Variants in AP2B1 observed in about 807,000 individuals in gnomAD.
AP2B1 encodes the protein AP-2 complex subunit beta.
Under a neutral mutation model 102.0 loss-of-function variants are expected in AP2B1, and 23 were observed. That is an observed-to-expected ratio of 0.23 (90% CI 0.16 to 0.32). The LOEUF (loss-of-function observed/expected upper bound fraction) is 0.32, where lower values mean the gene tolerates loss of function less well. AP2B1 is among the 10% of genes least tolerant of loss of function. The probability of loss-of-function intolerance (pLI) is 1.00; values close to 1 mark genes in which losing one functional copy is unlikely to be tolerated. For missense variants in AP2B1, 541 were observed against 1,157.4 expected, an observed-to-expected ratio of 0.47 and a Z score of 7.73; for synonymous variants, 381 against 421.2, an observed-to-expected ratio of 0.90 and a Z score of 1.17.
chr17:35,621,695 AT>A (rs1325903277), intron 5 of AP2B1, among the ~76,000 whole-genome samples: 3 of 152,206 alleles, frequency 2.0e-5, no homozygotes, highest in African/African-American at 7.2e-5. Flanking sequence ...CATTAGGTGC[AT>A]TATACACTTG....
Position 35,639,674 on chromosome 17 carries a change from A to G in AP2B1, c.1351A>G (p.Ile451Val). ...AGATGCTCGAGCAGCTATGATTTGG[A>G]TTGTGGGAGAATATGCTGAAAGAAT... Reference protein sequence around the residue: ...EPDARAAMIWIVGEYAERIDN... With the variant: ...EPDARAAMIWVVGEYAERIDN... Residue 451 changes from isoleucine (I) to valine (V), a missense_variant, in exon 11 of 22, where the codon ATT (isoleucine) becomes GTT (valine). Coordinates refer to ENST00000610402, the MANE Select transcript of AP2B1 (RefSeq NM_001030006.2). 3.7e-6 allele frequency: 6 copies of G among 1,614,106 alleles called. No individual in the cohort carries two copies. Among genetic ancestry groups the G allele is most frequent in the Non-Finnish European group, 5.1e-6 (6 of 1,179,994 alleles).
chr17:35,662,454 T>C (rs576556861), intron 14 of AP2B1, among the ~76,000 whole-genome samples: 127 of 152,160 alleles, frequency 8.3e-4, no homozygotes, highest in African/African-American at 3.0e-3. Context: ...AGGTATAGGC[T>C]TGCTTGCAAA....
Position 35,624,577 on chromosome 17 carries a change from G to A in AP2B1, c.706G>A (p.Glu236Lys). The change falls in exon 6 of 22, where the codon GAG becomes AAG. Residue 236 changes from glutamate to lysine, a missense_variant. Around this residue, in one of 10 missense-constraint regions of AP2B1, gnomAD observed 134 missense variants for 250.2 expected, o/e 0.54. Coordinates refer to ENST00000610402, the MANE Select transcript of AP2B1 (RefSeq NM_001030006.2). The part of the protein sequence containing the change: ...LSNYNPKDDR[E>K]AQSICERVTP... ...TAATTACAACCCTAAAGATGATCGG[G>A]AGGCTCAGAGGTCAGTCTGTTTTCC... The A allele has an allele frequency of 6.2e-7, 1 of 1,610,940 alleles. No individual in the cohort carries two copies. Among genetic ancestry groups the A allele is most frequent in the Non-Finnish European group, 8.5e-7 (1 of 1,177,996 alleles).
chr17:35,680,604 C>T (rs1383501071), intron 17 of AP2B1, among the ~76,000 whole-genome samples: 1 of 151,464 alleles, frequency 6.6e-6, no homozygotes, highest in Non-Finnish European at 1.5e-5. Context: ...CTGCTGGGCT[C>T]AAGTGATCCA....
rs147183516 is a variant in AP2B1, at chr17:35,595,414, G to C, written c.37+1347G>C. 8.5e-3 allele frequency among the ~76,000 whole-genome samples: 1,289 copies of C among 152,152 alleles called. 11 individuals are homozygous for C. The highest frequency in any genetic ancestry group is 0.026 in the African/African-American group (1,065 of 41,476). On this transcript the variant is annotated intron_variant, in intron 2 of 21. Coordinates refer to ENST00000610402, the MANE Select transcript of AP2B1 (RefSeq NM_001030006.2). ...ATTTAAAAATTAGCCCTGTACGGTG[G>C]TGCACACCTGTAGTCCCAGCTATTT...
chr17:35,720,578 TTTTTTTTTTTTTTTTTTTTTTTA>T (rs2085354477), intron 21 of AP2B1, among the ~76,000 whole-genome samples: 2 of 66,448 alleles, frequency 3.0e-5, no homozygotes, highest in African/African-American at 1.3e-4. Context: ...TATATATTTT[TTTTTTTTTTTTTTTTTTTTTTTA>T]ATATAGAGAT....
chr17:35,685,816 G>A (rs1450939009), intron 18 of AP2B1, among the ~76,000 whole-genome samples: 2 of 151,906 alleles, frequency 1.3e-5, no homozygotes, highest in Admixed American at 6.6e-5. Context: ...AGGCTCGAGT[G>A]CAATGGTGCA....
chr17:35,659,381 A>G (rs2075307711), intron 14 of AP2B1, among the ~76,000 whole-genome samples: 1 of 152,130 alleles, frequency 6.6e-6, no homozygotes, highest in South Asian at 2.1e-4. Context: ...ACCCTGCTTG[A>G]CCCACTATAA....
Position 35,686,060 on chromosome 17 carries a change from G to T in AP2B1, c.2454+3236G>T, listed in dbSNP as rs587686487. 3.5e-4 allele frequency among the ~76,000 whole-genome samples: 54 copies of T among 152,286 alleles called. 1 individual carries two copies. The highest frequency in any genetic ancestry group is 1.3e-3 in the African/African-American group (52 of 41,574). ...TTACAGGCGTGAGCTGCCATGCCCT[G>T]CCTATTCATTCTTAAAATGTAAAAT... On this transcript the variant is annotated intron_variant, in intron 18 of 21. Coordinates refer to ENST00000610402, the MANE Select transcript of AP2B1 (RefSeq NM_001030006.2).
At chr17:35,657,515 A>G (rs768312760) in intron 13 of AP2B1, 84 bp from the exon 14 acceptor site, 30 of 1,098,740 alleles carry the variant, frequency 2.7e-5, no homozygotes, top group Middle Eastern at 4.3e-4. Flanking sequence ...ATATATAGCT[A>G]TATGTTTCAC....
At chr17:35,612,092 G>T (rs189868160) in intron 5 of AP2B1, among the ~76,000 whole-genome samples, 8 of 152,292 alleles carry the variant, frequency 5.3e-5, no homozygotes, top group Admixed American at 3.9e-4. Flanking sequence ...CTAGAGCAGG[G>T]TGTCAGCATT....
At chr17:35,634,206 G>A (rs1455910217) in intron 9 of AP2B1, among the ~76,000 whole-genome samples, 2 of 152,120 alleles carry the variant, frequency 1.3e-5, no homozygotes, top group South Asian at 2.1e-4. Context: ...ACTTATTTTG[G>A]TGCCAGGTAT....
chr17:35,641,332 G>T (rs987178846), intron 11 of AP2B1, among the ~76,000 whole-genome samples: 6 of 152,172 alleles, frequency 3.9e-5, no homozygotes, highest in African/African-American at 1.4e-4. Context: ...CAGCACTTTG[G>T]AAGGCTGATG....
At chr17:35,650,228 G>T (rs2142823129) in intron 12 of AP2B1, among the ~76,000 whole-genome samples, 2 of 152,256 alleles carry the variant, frequency 1.3e-5, no homozygotes, top group Middle Eastern at 6.8e-3. Flanking sequence ...GGGATTACAG[G>T]CATGAGCCAC....
At chr17:35,713,302 A>G (rs1409295730) in intron 20 of AP2B1, among the ~76,000 whole-genome samples, 1 of 152,250 alleles carries the variant, frequency 6.6e-6, no homozygotes, top group African/African-American at 2.4e-5. Flanking sequence ...CACATGAAAC[A>G]TAGGGGAAAA....
At chr17:35,676,505 G>T (rs1048424031) in intron 17 of AP2B1, among the ~76,000 whole-genome samples, 1 of 152,100 alleles carries the variant, frequency 6.6e-6, no homozygotes, top group Admixed American at 6.5e-5. Context: ...GTTTGTTGAC[G>T]TGCTCACAAG....
intron 14 of AP2B1, among the ~76,000 whole-genome samples, chr17:35,669,203 G>T (rs2075534987): frequency 6.6e-6 from 1 of 150,414 alleles, no homozygotes; most frequent in South Asian, 2.1e-4. Flanking sequence ...AAGTGCAATG[G>T]CATGATCTCA....
chr17:35,645,052 A>G (rs1419595606), intron 12 of AP2B1, among the ~76,000 whole-genome samples: 1 of 152,144 alleles, frequency 6.6e-6, no homozygotes, highest in Non-Finnish European at 1.5e-5. Context: ...AAAGAAAGAA[A>G]AAAAGAATAA....
At chr17:35,648,386 C>T (rs77143376) in intron 12 of AP2B1, among the ~76,000 whole-genome samples, 2,014 of 151,988 alleles carry the variant, frequency 0.013, 50 homozygotes, top group African/African-American at 0.047. Context: ...TGTGGTGGTG[C>T]GTACCAATAA....
Sources: gnomAD v4.1 joint callset for allele counts (sites outside exome capture counted in the v4.1 genomes callset) on GRCh38, gnomAD v4.1.1 for gene constraint, gnomAD v4.1.1 regional missense constraint, MANE v1.5 for transcripts, NCBI Gene and HGNC (gene_info 2026-07-23, HGNC 2026-07-21) for gene names.